The following DOCK4 variants were observed in gnomAD, a reference collection of about 807,000 sequenced individuals.
DOCK4 encodes the protein dedicator of cytokinesis protein 4.
A neutral mutation model predicts 268.1 loss-of-function variants in DOCK4; 97 were observed. The ratio of observed to expected loss-of-function variants is 0.36; its 90% CI spans 0.31 to 0.43. The LOEUF is 0.43. DOCK4 is among the 20% of genes least tolerant of loss of function. The pLI is 1.00. For synonymous variants in DOCK4, 954 were observed against 887.2 expected (o/e 1.08, Z -1.34); for missense variants, 2,145 against 2,455.7 (o/e 0.87, Z 2.67).
At chr7:111,783,021 A>AC in intron 34 of DOCK4, 97 bp from the exon 35 acceptor site, 3 of 1,112,838 alleles carry the variant, frequency 2.7e-6, no homozygotes, top group Non-Finnish European at 2.6e-6. Context: ...AAAGAAAGAA[A>AC]AAAAAAAAAA....
At chr7:111,891,028 C>A (rs1035321143) in intron 16 of DOCK4, among the ~76,000 whole-genome samples, 30 of 152,068 alleles carry the variant, frequency 2.0e-4, no homozygotes, top group African/African-American at 7.0e-4. Flanking sequence ...TTATAAAAAT[C>A]CAAGACAATT....
chr7:111,734,518 G>C (rs928357851), intron 51 of DOCK4, among the ~76,000 whole-genome samples: 1 of 152,304 alleles, frequency 6.6e-6, no homozygotes, highest in Non-Finnish European at 1.5e-5. Flanking sequence ...CCACCTGAGG[G>C]GATGCGGTAC....
At chr7:112,066,690 C>CATATATATATATATAT (rs751631282) in intron 1 of DOCK4, among the ~76,000 whole-genome samples, 6 of 20,966 alleles carry the variant, frequency 2.9e-4, no homozygotes, top group Admixed American at 6.0e-4. Flanking sequence ...TATACATATA[C>CATATATATATATATAT]ATATATATAT....
At chr7:112,077,010 C>T (rs1808129201) in intron 1 of DOCK4, among the ~76,000 whole-genome samples, 1 of 152,000 alleles carries the variant, frequency 6.6e-6, no homozygotes, top group South Asian at 2.1e-4. Flanking sequence ...AGTACTTAGA[C>T]GTTTGATTTT....
rs1490655927 is a variant in DOCK4 at position 112,131,071 on chromosome 7, G to A, written c.37+75031C>T. ...CTACGTGACATAAAGGAAATGGCCG[G>A]CCGTATGCCATAAATATGTCTTAAA... On this transcript the variant is annotated intron_variant, in intron 1 of 52. Transcript: ENST00000428084. Among the ~76,000 whole-genome samples the A allele has an allele frequency of 2.0e-5, 3 of 152,124 alleles. No homozygotes were observed. In the East Asian group the frequency reaches 5.8e-4, roughly 29 times the overall value.
intron 26 of DOCK4, among the ~76,000 whole-genome samples, 158 bp from the exon 27 acceptor site, chr7:111,822,614 G>A (rs756659844): frequency 1.3e-5 from 2 of 152,180 alleles, no homozygotes; most frequent in Non-Finnish European, 1.5e-5. Flanking sequence ...AAGGAGTCAT[G>A]ACCCTTCCCA....
At chr7:112,169,561 G>T (rs1470624273) in intron 1 of DOCK4, among the ~76,000 whole-genome samples, 1 of 152,136 alleles carries the variant, frequency 6.6e-6, no homozygotes, top group Non-Finnish European at 1.5e-5. Flanking sequence ...GACTCACAAA[G>T]AAATTTCTGA....
chr7:112,148,435 A>G (rs1178186645), intron 1 of DOCK4, among the ~76,000 whole-genome samples: 3 of 152,282 alleles, frequency 2.0e-5, no homozygotes, highest in Admixed American at 2.0e-4. Flanking sequence ...TACAATGAAA[A>G]ACAATTAAAG....
In DOCK4 at chr7:111,937,852, G is replaced by A. The variant is rs149233048; in HGVS notation, c.978-2224C>T. On this transcript the variant is annotated intron_variant, in intron 11 of 52. Coordinates refer to ENST00000428084, the MANE Select transcript of DOCK4 (RefSeq NM_001363540.2). Reference sequence around the variant, plus strand: ...ACATGGGGCAAGTTATTTAACTCTCGTTCCCCTATGAGTAAAACTGAGTAG... The same window carrying A: ...ACATGGGGCAAGTTATTTAACTCTCATTCCCCTATGAGTAAAACTGAGTAG... Among the ~76,000 whole-genome samples the A allele has an allele frequency of 3.2e-4, 48 of 152,244 alleles. No homozygotes were observed. The East Asian group carries it at 7.5e-3, about 24-fold the overall frequency.
Position 112,000,450 on chromosome 7 carries a change from T to C in DOCK4, c.162+44A>G, listed in dbSNP as rs758824010. 92 of 1,170,974 alleles carry C rather than the reference T, an allele frequency of 7.9e-5. 2 individuals are homozygous for C. Among genetic ancestry groups the C allele is most frequent in the Middle Eastern group, 2.5e-4 (1 of 3,974 alleles). The allele number at this position is 1,170,974 out of a possible 1,614,324, so 72.5% of individuals were successfully genotyped here. A position where few individuals can be genotyped will look rare whatever the true frequency, so the allele number is the denominator to read the frequency against. On this transcript the variant is annotated intron_variant, in intron 3 of 52. Coordinates refer to ENST00000428084, the MANE Select transcript of DOCK4 (RefSeq NM_001363540.2). ...AAGAAATAATTTAAATAACTATCTT[T>C]CTTAATAAATTTCATAATTATAGTT... is the stretch of plus-strand genomic sequence containing the variant.
intron 32 of DOCK4, among the ~76,000 whole-genome samples, chr7:111,786,471 T>A (rs1218175650): frequency 1.3e-5 from 2 of 152,214 alleles, no homozygotes; most frequent in East Asian, 3.9e-4. Flanking sequence ...AATGAATACA[T>A]CTTTATGAAA....
intron 27 of DOCK4, chr7:111,819,453 GA>G (rs889980802): frequency 6.6e-5 from 10 of 152,150 alleles, no homozygotes; most frequent in Non-Finnish European, 1.2e-4. Context: ...CAGCAAACAA[GA>G]AAGAGAAGAA....
At chr7:112,014,633 C>T (rs1279674505) in intron 1 of DOCK4, among the ~76,000 whole-genome samples, 1 of 152,164 alleles carries the variant, frequency 6.6e-6, no homozygotes, top group Non-Finnish European at 1.5e-5. Flanking sequence ...TTTAAATGTA[C>T]ACAGCAAACA....
intron 1 of DOCK4, among the ~76,000 whole-genome samples, chr7:112,187,857 T>TA (rs1265962210): frequency 2.0e-5 from 3 of 151,232 alleles, no homozygotes; most frequent in African/African-American, 7.4e-5. Flanking sequence ...TATATTTTCA[T>TA]CCCTTTTTTT....
At chr7:111,888,664 ACT>A (rs1387239005) in intron 16 of DOCK4, among the ~76,000 whole-genome samples, 1 of 151,864 alleles carries the variant, frequency 6.6e-6, no homozygotes, top group Non-Finnish European at 1.5e-5. Flanking sequence ...GAAGGAGAAG[ACT>A]CTGAACTAGG....
intron 1 of DOCK4, among the ~76,000 whole-genome samples, chr7:112,171,371 TA>T (rs1025228003): frequency 1.8e-4 from 28 of 152,182 alleles, no homozygotes; most frequent in Non-Finnish European, 3.7e-4. Context: ...GACCATGTCA[TA>T]TTTTTTTTCA....
intron 5 of DOCK4, among the ~76,000 whole-genome samples, chr7:111,991,716 C>A (rs1240018429): frequency 6.6e-6 from 1 of 151,300 alleles, no homozygotes; most frequent in East Asian, 2.0e-4. Context: ...AATCCCAGCA[C>A]TTTGGGAGGC....
intron 25 of DOCK4, among the ~76,000 whole-genome samples, chr7:111,836,591 C>T (rs1196316486): frequency 3.3e-5 from 5 of 151,976 alleles, no homozygotes; most frequent in Non-Finnish European, 5.9e-5. Context: ...AGAATTACCA[C>T]ACAAGAACAT....
chr7:112,191,209 G>A (rs527630616), intron 1 of DOCK4, among the ~76,000 whole-genome samples: 17 of 152,106 alleles, frequency 1.1e-4, no homozygotes, highest in East Asian at 1.9e-4. Context: ...TCCTGCCTCC[G>A]CCTCCCAAGT....
Sources: gnomAD v4.1 joint callset for allele counts (sites outside exome capture counted in the v4.1 genomes callset) on GRCh38, gnomAD v4.1.1 for gene constraint, MANE v1.5 for transcripts, NCBI Gene and HGNC (gene_info 2026-07-23, HGNC 2026-07-21) for gene names.